The following ABCD3 variants were observed in gnomAD, a reference collection of about 807,000 sequenced individuals.
The protein encoded by ABCD3 is ATP-binding cassette sub-family D member 3.
ABCD3 carries 41 observed loss-of-function variants against 105.5 expected under a neutral mutation model. That is an observed-to-expected ratio of 0.39 (90% CI 0.30 to 0.50). The LOEUF is 0.50. ABCD3 is among the 20% of genes least tolerant of loss of function. The pLI is 0.84. For missense variants in ABCD3, 622 were observed against 806.3 expected (o/e 0.77, Z 2.77); for synonymous variants, 258 against 269.0 (o/e 0.96, Z 0.40).
intron 20 of ABCD3, among the ~76,000 whole-genome samples, chr1:94,505,496 G>A (rs1459504997): frequency 6.6e-6 from 1 of 151,730 alleles, no homozygotes; most frequent in Non-Finnish European, 1.5e-5. Flanking sequence ...TTATAGGCGT[G>A]ACCCACTGTG....
the ABCD3 span, among the ~76,000 whole-genome samples, chr1:94,403,582 G>A: frequency 6.6e-6 from 1 of 152,126 alleles, no homozygotes; most frequent in Non-Finnish European, 1.5e-5. Context: ...GTAATCAAGA[G>A]ACCTCTTTTC....
Position 94,496,005 on chromosome 1 carries a change from AATT to A in ABCD3, c.1387-2594_1387-2592del, listed in dbSNP as rs1335841879. ...TTATTCATCTGAACGACTCTTTAAC[AATT>A]ATGTGTGTAAATTGTTATTTTCTTT... On this transcript the variant is annotated intron_variant, in intron 16 of 22. Coordinates refer to ENST00000370214, the MANE Select transcript of ABCD3 (RefSeq NM_002858.4). Among the ~76,000 whole-genome samples, 36 of 152,346 alleles carry A rather than the reference AATT, an allele frequency of 2.4e-4. No individual in the cohort carries two copies. In the Middle Eastern group the frequency reaches 0.02, roughly 86 times the overall value.
chr1:94,502,242 C>T (rs1260804966), intron 20 of ABCD3, among the ~76,000 whole-genome samples: 1 of 151,432 alleles, frequency 6.6e-6, no homozygotes, highest in Non-Finnish European at 1.5e-5. Context: ...TTTTATCCTT[C>T]TCTCATTTTT....
At chr1:94,502,638 A>T (rs1650154555) in intron 20 of ABCD3, among the ~76,000 whole-genome samples, 1 of 152,004 alleles carries the variant, frequency 6.6e-6, no homozygotes, top group Non-Finnish European at 1.5e-5. Flanking sequence ...CTGGGATTAC[A>T]GGCATGCACC....
At chr1:94,401,207 T>C in the ABCD3 span, among the ~76,000 whole-genome samples, 2 of 152,250 alleles carry the variant, frequency 1.3e-5, no homozygotes, top group African/African-American at 4.8e-5. Context: ...CTAATCATTT[T>C]ATTGCTTGAG....
At chr1:94,515,477 G>T (rs889894737) in intron 22 of ABCD3, among the ~76,000 whole-genome samples, 1 of 151,894 alleles carries the variant, frequency 6.6e-6, no homozygotes, top group Admixed American at 6.6e-5. Flanking sequence ...CACAAATATG[G>T]TGAAGTAAAC....
In ABCD3 at chr1:94,435,794, AAT is replaced by A. The variant is rs528398735; in HGVS notation, c.110+17209_110+17210del. On this transcript the variant is annotated intron_variant, in intron 1 of 22. Transcript: ENST00000370214. ...TTCTTCATTTACCAGTTATCAAAAT[AAT>A]ATGTTAATTTCGTGTTATTACCTAA... Among the ~76,000 whole-genome samples, 457 of 152,370 alleles carry A rather than the reference AAT, an allele frequency of 3.0e-3. 11 individuals are homozygous for A. Among genetic ancestry groups the A allele is most frequent in the Non-Finnish European group, 2.8e-3 (191 of 68,036 alleles).
chr1:94,404,211 T>C, the ABCD3 span, among the ~76,000 whole-genome samples: 1 of 152,184 alleles, frequency 6.6e-6, no homozygotes, highest in Non-Finnish European at 1.5e-5. Context: ...ATCAATACCT[T>C]TGCTCATTTG....
chr1:94,458,931 C>T (rs1647727106), intron 2 of ABCD3, among the ~76,000 whole-genome samples: 1 of 146,162 alleles, frequency 6.8e-6, no homozygotes. Flanking sequence ...CGAGATATAT[C>T]TTGTCCCCCC....
At chr1:94,400,206 G>A in the ABCD3 span, among the ~76,000 whole-genome samples, 1 of 152,008 alleles carries the variant, frequency 6.6e-6, no homozygotes, top group African/African-American at 2.4e-5. Flanking sequence ...GTAGGAGTTC[G>A]AGACCAGCCT....
chr1:94,403,857 G>T, the ABCD3 span, among the ~76,000 whole-genome samples: 1 of 152,142 alleles, frequency 6.6e-6, no homozygotes, highest in Non-Finnish European at 1.5e-5. Context: ...TCTTTGAGGA[G>T]CCCTTGTTCC....
chr1:94,450,699 C>T (rs1051049670), intron 1 of ABCD3, among the ~76,000 whole-genome samples: 3 of 152,172 alleles, frequency 2.0e-5, no homozygotes, highest in Non-Finnish European at 2.9e-5. Context: ...CCCTGATTTC[C>T]CACTCCACAC....
At chr1:94,472,598 A>G (rs539121706) in intron 4 of ABCD3, among the ~76,000 whole-genome samples, 46 of 152,302 alleles carry the variant, frequency 3.0e-4, no homozygotes, top group African/African-American at 1.1e-3. Context: ...TCATGCTACA[A>G]ACCCCTCTCA....
At chr1:94,480,127 T>C in intron 8 of ABCD3, 1 of 293,480 alleles carries the variant, frequency 3.4e-6, no homozygotes, top group South Asian at 4.6e-5. Flanking sequence ...GTCTAAGAAT[T>C]ATTGTGGAAT....
chr1:94,458,740 A>G, intron 2 of ABCD3, 97 bp downstream of exon 2: 1 of 1,257,826 alleles, frequency 8.0e-7, no homozygotes, highest in Admixed American at 1.9e-5. Context: ...TATAATTAGT[A>G]GGGAACTTAA....
chr1:94,446,832 G>C (rs1660366870), intron 1 of ABCD3, among the ~76,000 whole-genome samples: 1 of 152,158 alleles, frequency 6.6e-6, no homozygotes, highest in Non-Finnish European at 1.5e-5. Context: ...CATTATGAAG[G>C]ACCTGATGGA....
chr1:94,497,195 CTTATATG>C (rs1008342718), intron 16 of ABCD3, among the ~76,000 whole-genome samples: 2 of 152,060 alleles, frequency 1.3e-5, no homozygotes, highest in African/African-American at 4.8e-5. Flanking sequence ...TACTATTTAA[CTTATATG>C]TTATGTATAT....
At position 94,491,225 on chromosome 1, in the gene ABCD3, T is replaced by G. The variant is rs1649521294; in HGVS notation, c.1364T>G (p.Leu455Trp). 6.2e-7 allele frequency: 1 copy of G among 1,612,314 alleles called. No individual in the cohort carries two copies. Among genetic ancestry groups the G allele is most frequent in the African/African-American group, 1.3e-5 (1 of 74,994 alleles). The change falls in exon 16 of 23, where the codon TTG becomes TGG. Residue 455 changes from leucine (L) to tryptophan (W), a missense_variant. Transcript: ENST00000370214. ...VPLATPNGDV[L>W]IRDLNFEVRS... Reference sequence around the variant, plus strand: ...TTAGCAACGCCAAATGGAGATGTTTTGATCCGAGACCTTAATTTTGAAGTA... The same window carrying G: ...TTAGCAACGCCAAATGGAGATGTTTGGATCCGAGACCTTAATTTTGAAGTA...
intron 10 of ABCD3, among the ~76,000 whole-genome samples, chr1:94,485,374 A>G (rs1359334121): frequency 6.6e-6 from 1 of 152,208 alleles, no homozygotes; most frequent in African/African-American, 2.4e-5. Context: ...GTGAAATTAA[A>G]TGTATATTTT....
Sources: allele counts gnomAD v4.1 joint callset (sites outside exome capture counted in the v4.1 genomes callset), GRCh38; gene constraint gnomAD v4.1.1; transcripts MANE v1.5; gene names NCBI Gene and HGNC (gene_info 2026-07-23, HGNC 2026-07-21).